RTKN: variants seen among roughly 807,000 people sequenced by gnomAD.
RTKN encodes rhotekin.
RTKN carries 49 observed loss-of-function variants against 63.5 expected under a neutral mutation model. That is an observed-to-expected ratio of 0.77 (90% CI 0.61 to 0.98). RTKN has a LOEUF of 0.98. Ranked by LOEUF, RTKN falls within the 50% of genes least tolerant of loss-of-function variation. The pLI is 0.00. For missense variants in RTKN, 685 were observed against 740.8 expected, an observed-to-expected ratio of 0.92 and a Z score of 0.87; for synonymous variants, 295 against 290.4, an observed-to-expected ratio of 1.02 and a Z score of -0.16.
Position 74,425,965 on chromosome 2 carries a change from A to C in RTKN, c.*278T>G, listed in dbSNP as rs966822176. On this transcript the variant is annotated 3_prime_UTR_variant, in exon 12 of 12. Coordinates refer to ENST00000272430, the MANE Select transcript of RTKN (RefSeq NM_001015055.2). ...CAAGGGTTCTTCAGTGCCATCCTCAAAGCTGGTTAGTGCAGGGAGGTAGGG... is the reference window on the plus strand; with the variant it reads ...CAAGGGTTCTTCAGTGCCATCCTCACAGCTGGTTAGTGCAGGGAGGTAGGG... 1 of 666,180 alleles carries C rather than the reference A, an allele frequency of 1.5e-6. No homozygotes were observed. Among genetic ancestry groups the C allele is most frequent in the African/African-American group, 1.8e-5 (1 of 55,050 alleles). The allele number at this position is 666,180 out of a possible 1,614,324, so 41.3% of individuals were successfully genotyped here.
At chr2:74,440,546 G>C in intron 1 of RTKN, 1 of 986,056 alleles carries the variant, frequency 1.0e-6, no homozygotes, top group Non-Finnish European at 1.2e-6. Flanking sequence ...GCGGCCGCCA[G>C]GCCCTGCGGC....
intron 1 of RTKN, among the ~76,000 whole-genome samples, chr2:74,433,175 G>A (rs1326999966): frequency 2.0e-5 from 3 of 151,166 alleles, no homozygotes; most frequent in Non-Finnish European, 4.4e-5. Flanking sequence ...CCCGGGAGGC[G>A]GAGCTTGCAG....
intron 2 of RTKN, chr2:74,431,029 C>G (rs1670720087): frequency 3.7e-6 from 1 of 270,312 alleles, no homozygotes; most frequent in Non-Finnish European, 7.0e-6. Flanking sequence ...CAGGGCTCTC[C>G]ATTAAACCCC....
chr2:74,430,711 C>G (rs765458918), intron 2 of RTKN, 34 bp from the exon 3 acceptor site: 6 of 1,593,166 alleles, frequency 3.8e-6, no homozygotes, highest in Non-Finnish European at 5.1e-6. Flanking sequence ...GGCCTGGCCT[C>G]TAGCCACTAT....
intron 1 of RTKN, among the ~76,000 whole-genome samples, chr2:74,438,205 C>T (rs1458901973): frequency 2.0e-5 from 3 of 152,170 alleles, no homozygotes; most frequent in African/African-American, 7.2e-5. Flanking sequence ...TCTCCGTAAA[C>T]AGCCACACCA....
chr2:74,428,477 G>C, intron 8 of RTKN, 81 bp from the exon 9 acceptor site: 1 of 1,608,460 alleles, frequency 6.2e-7, no homozygotes, highest in East Asian at 2.2e-5. Context: ...GAACCTGTTC[G>C]TTTTGTCCAC....
intron 1 of RTKN, among the ~76,000 whole-genome samples, chr2:74,433,576 C>A (rs1347089350): frequency 6.6e-6 from 1 of 151,754 alleles, no homozygotes; most frequent in Non-Finnish European, 1.5e-5. Context: ...GCAAGCTCCA[C>A]CTCCTGGGGT....
intron 9 of RTKN, 187 bp downstream of exon 9, chr2:74,428,081 T>C (rs977980816): frequency 1.0e-5 from 7 of 687,816 alleles, no homozygotes; most frequent in African/African-American, 1.8e-5. Context: ...GGCAAGTGAA[T>C]GGGACGATCC....
At position 74,426,359 on chromosome 2, in the gene RTKN, G is replaced by A; in HGVS notation, c.1576C>T (p.Pro526Ser). 1 of 1,612,054 alleles carries A rather than the reference G, an allele frequency of 6.2e-7. No homozygotes were observed. Among genetic ancestry groups the A allele is most frequent in the African/African-American group, 1.3e-5 (1 of 75,012 alleles). ...PRTFSLDAVP[P>S]DHSPRARSVA... ...GAGCGAGCCCTAGGGGAGTGGTCTG[G>A]GGGGACAGCATCCAGGGAAAAGGTT... Residue 526 changes from proline (P) to serine (S), a missense_variant, in exon 12 of 12, where the codon CCA (proline) becomes TCA (serine). Transcript: ENST00000272430.
chr2:74,427,857 G>A, intron 9 of RTKN: 1 of 512,230 alleles, frequency 2.0e-6, no homozygotes. Context: ...AGGCAAGGAT[G>A]CTCCAGCCAG....
chr2:74,426,503 T>C lies in RTKN; in HGVS notation c.1432A>G (p.Thr478Ala). ...AACATTGCCAGCCAGGGTGGGGGTG[T>C]CTCCAGCCTTGCGCCCTCCCGCTGG... is the stretch of plus-strand genomic sequence containing the variant. ...LTQREGARLE[T>A]PPPWLAMFTD... Residue 478 changes from threonine to alanine, a missense_variant, in exon 12 of 12, where the codon ACA (threonine) becomes GCA (alanine). Transcript: ENST00000272430. 6.3e-7 allele frequency: 1 copy of C among 1,584,584 alleles called. No homozygotes were observed.
At chr2:74,432,724 C>T in intron 1 of RTKN, 58 bp from the exon 2 acceptor site, 1 of 1,502,110 alleles carries the variant, frequency 6.7e-7, no homozygotes, top group Non-Finnish European at 9.2e-7. Flanking sequence ...CAGGCTAAAG[C>T]ACTCCCCAGT....
At chr2:74,430,854 G>T in intron 2 of RTKN, 177 bp from the exon 3 acceptor site, 1 of 627,074 alleles carries the variant, frequency 1.6e-6, no homozygotes, top group Non-Finnish European at 2.8e-6. Context: ...CCAGCAGTTT[G>T]CCAGGCTTGG....
chr2:74,441,590 C>T (rs530532265), intron 1 of RTKN, 116 bp downstream of exon 1: 2 of 724,890 alleles, frequency 2.8e-6, no homozygotes, highest in Admixed American at 4.7e-5. Flanking sequence ...CGGGTTTGTA[C>T]CCAGACCGTG....
chr2:74,441,259 G>C (rs1191839351), intron 1 of RTKN, among the ~76,000 whole-genome samples: 1 of 152,218 alleles, frequency 6.6e-6, no homozygotes, highest in African/African-American at 2.4e-5. Context: ...CTAAAGTCGG[G>C]GTTGATGACA....
chr2:74,432,441 C>T (rs761933834), intron 2 of RTKN, 26 bp downstream of exon 2: 2 of 1,600,274 alleles, frequency 1.2e-6, no homozygotes, highest in Non-Finnish European at 8.5e-7. Context: ...CTGCCTCCAT[C>T]GAGGCCTCGT....
At chr2:74,428,041 C>G in intron 9 of RTKN, 1 of 582,386 alleles carries the variant, frequency 1.7e-6, no homozygotes, top group Non-Finnish European at 3.0e-6. Flanking sequence ...GCGAGAGAAC[C>G]CTCTCTGAGA....
chr2:74,435,972 T>C (rs1671033262), intron 1 of RTKN, among the ~76,000 whole-genome samples: 1 of 152,138 alleles, frequency 6.6e-6, no homozygotes, highest in Non-Finnish European at 1.5e-5. Context: ...AGCCAACCCT[T>C]TCCCAAAGCC....
In RTKN at chr2:74,428,902, G is replaced by C; in HGVS notation, c.796C>G (p.Leu266Val). The C allele has an allele frequency of 1.2e-6, 2 of 1,614,178 alleles. No individual in the cohort carries two copies. Among genetic ancestry groups the C allele is most frequent in the Non-Finnish European group, 1.7e-6 (2 of 1,180,036 alleles). The change falls in exon 7 of 12, where the codon CTG (leucine) becomes GTG (valine). Residue 266 changes from leucine (L) to valine (V), a missense_variant. Leu to Val is a conservative substitution (Grantham distance 32). Coordinates refer to ENST00000272430, the MANE Select transcript of RTKN (RefSeq NM_001015055.2). ...YHLLAHTTLT[L>V]AAVQDGFRTH... Reference sequence around the variant, plus strand: ...CGGAATCCATCTTGCACTGCTGCCAGGGTGAGTGTGGTGTGAGCCAAGAGG... The same window carrying C: ...CGGAATCCATCTTGCACTGCTGCCACGGTGAGTGTGGTGTGAGCCAAGAGG...
Sources: gnomAD v4.1 joint callset for allele counts (sites outside exome capture counted in the v4.1 genomes callset) on GRCh38, gnomAD v4.1.1 for gene constraint, MANE v1.5 for transcripts, NCBI Gene and HGNC (gene_info 2026-07-23, HGNC 2026-07-21) for gene names.